FGF12: variants seen among roughly 807,000 people sequenced by gnomAD.
FGF12 encodes the protein fibroblast growth factor 12, also known as fibroblast growth factor 12B.
In FGF12, 14 loss-of-function variants were observed where a neutral mutation model predicts 23.6. The observed-to-expected ratio is 0.59, with a 90% CI of 0.39 to 0.93. The LOEUF (loss-of-function observed/expected upper bound fraction) is 0.93. Among genes scored for constraint, FGF12 ranks in the 40% least tolerant of loss-of-function variants. The pLI is 0.00. For missense variants in FGF12, 175 were observed against 217.8 expected (o/e 0.80, Z 1.24); for synonymous variants, 62 against 77.3 (o/e 0.80, Z 1.04).
intron 2 of FGF12, among the ~76,000 whole-genome samples, chr3:192,653,270 G>T (rs1273623039): frequency 6.6e-6 from 1 of 152,178 alleles, no homozygotes; most frequent in Non-Finnish European, 1.5e-5. Flanking sequence ...GCTAGGAGTG[G>T]TGACGAGAAA....
At chr3:192,670,466 T>A (rs1027559738) in intron 2 of FGF12, among the ~76,000 whole-genome samples, 24 of 152,276 alleles carry the variant, frequency 1.6e-4, no homozygotes, top group Admixed American at 3.9e-4. Flanking sequence ...AGAGTAATCA[T>A]CACACGTGGA....
At chr3:192,220,696 C>G (rs536110745) in intron 4 of FGF12, among the ~76,000 whole-genome samples, 8 of 152,120 alleles carry the variant, frequency 5.3e-5, no homozygotes, top group Non-Finnish European at 1.2e-4. Flanking sequence ...TAACTGACTT[C>G]TATAAGATAA....
At chr3:192,527,949 C>T (rs1724992165) in intron 2 of FGF12, among the ~76,000 whole-genome samples, 1 of 152,070 alleles carries the variant, frequency 6.6e-6, no homozygotes, top group Non-Finnish European at 1.5e-5. Flanking sequence ...AAGACCCACC[C>T]CCATTATTCA....
chr3:192,476,562 G>T (rs1156598694), intron 2 of FGF12, among the ~76,000 whole-genome samples: 1 of 152,142 alleles, frequency 6.6e-6, no homozygotes, highest in Non-Finnish European at 1.5e-5. Flanking sequence ...TATTTTGTTG[G>T]TATTAATCCC....
intron 2 of FGF12, among the ~76,000 whole-genome samples, chr3:192,588,298 C>G (rs1194768298): frequency 7.6e-6 from 1 of 131,170 alleles, no homozygotes; most frequent in Non-Finnish European, 1.5e-5. Context: ...TGCAGTGAGC[C>G]GAGATCGCGC....
intron 2 of FGF12, among the ~76,000 whole-genome samples, chr3:192,549,441 A>T (rs955951539): frequency 2.0e-5 from 3 of 152,192 alleles, no homozygotes; most frequent in Non-Finnish European, 4.4e-5. Context: ...CAGAATAATG[A>T]TTATTCATGG....
At chr3:192,588,002 C>A (rs771719441) in intron 2 of FGF12, among the ~76,000 whole-genome samples, 4 of 151,692 alleles carry the variant, frequency 2.6e-5, no homozygotes, top group Non-Finnish European at 5.9e-5. Context: ...TTTCTTTGAT[C>A]ATCTATGATT....
intron 4 of FGF12, among the ~76,000 whole-genome samples, chr3:192,219,831 G>A (rs1042397611): frequency 2.6e-5 from 4 of 152,104 alleles, no homozygotes; most frequent in African/African-American, 9.7e-5. Context: ...TATAGTTATT[G>A]TTTTCACTCA....
At chr3:192,533,583 G>C (rs1725148034) in intron 2 of FGF12, among the ~76,000 whole-genome samples, 1 of 152,158 alleles carries the variant, frequency 6.6e-6, no homozygotes, top group African/African-American at 2.4e-5. Flanking sequence ...CTTGAATTTA[G>C]AAATTAAAGA....
chr3:192,561,568 T>C (rs1030367260), intron 2 of FGF12, among the ~76,000 whole-genome samples: 5 of 152,112 alleles, frequency 3.3e-5, no homozygotes, highest in African/African-American at 4.8e-5. Context: ...TTCACCGTGT[T>C]AGCCAGGATA....
chr3:192,691,750 T>G (rs1439485187), intron 2 of FGF12, among the ~76,000 whole-genome samples: 1 of 151,830 alleles, frequency 6.6e-6, no homozygotes, highest in Non-Finnish European at 1.5e-5. Flanking sequence ...GAGTTGAGTT[T>G]TTGAAAAAAT....
At chr3:192,437,219 A>G (rs77279431) in intron 2 of FGF12, among the ~76,000 whole-genome samples, 3,509 of 152,284 alleles carry the variant, frequency 0.023, 108 homozygotes, top group African/African-American at 0.075. Context: ...GCAGACTACA[A>G]AAAAATACTA....
intron 4 of FGF12, among the ~76,000 whole-genome samples, chr3:192,173,798 G>A (rs114379951): frequency 3.9e-5 from 6 of 152,194 alleles, no homozygotes; most frequent in Admixed American, 1.3e-4. Context: ...AGTACATATC[G>A]TCATATATGT....
Position 192,510,699 on chromosome 3 carries a change from T to C in FGF12, c.14-150161A>G, listed in dbSNP as rs151171031. Among the ~76,000 whole-genome samples, 982 of 152,304 alleles carry C rather than the reference T, an allele frequency of 6.4e-3. 12 individuals are homozygous for C. Among genetic ancestry groups the C allele is most frequent in the African/African-American group, 0.023 (956 of 41,560 alleles). ...TTATAGCAACATTATTCTTCATAAT[T>C]TCCAAGTCTCGAAGCAGCCAAGATG... On this transcript the variant is annotated intron_variant, in intron 2 of 5. Transcript: ENST00000445105.
chr3:192,452,786 C>T (rs1722566124), intron 2 of FGF12, among the ~76,000 whole-genome samples: 1 of 152,186 alleles, frequency 6.6e-6, no homozygotes, highest in South Asian at 2.1e-4. Context: ...TAGAAGTCTT[C>T]TCTTTACCTA....
At chr3:192,624,644 C>T (rs1715098358) in intron 2 of FGF12, among the ~76,000 whole-genome samples, 1 of 152,036 alleles carries the variant, frequency 6.6e-6, no homozygotes, top group African/African-American at 2.4e-5. Flanking sequence ...ATAGCATCTT[C>T]CTTGTTAAAG....
chr3:192,292,085 C>A (rs567169448), intron 4 of FGF12, among the ~76,000 whole-genome samples: 13 of 152,208 alleles, frequency 8.5e-5, no homozygotes, highest in African/African-American at 3.1e-4. Flanking sequence ...ACATTCACAC[C>A]AAATTTTGAT....
chr3:192,297,175 T>G (rs921996304), intron 4 of FGF12, among the ~76,000 whole-genome samples: 2 of 152,130 alleles, frequency 1.3e-5, no homozygotes, highest in Admixed American at 6.5e-5. Flanking sequence ...AAAAACCTAT[T>G]TGGTTAGAAT....
rs188894036 is a variant in FGF12 at position 192,324,280 on chromosome 3, C to T, written c.228+11081G>A. 5.6e-3 allele frequency among the ~76,000 whole-genome samples: 858 copies of T among 152,158 alleles called. 1 individual carries two copies. The highest frequency in any genetic ancestry group is 0.012 in the South Asian group (60 of 4,826). ...AGATGAGAAATACTCTTCAAGCAAT[C>T]CCCCAAGACCAGAGTGACTAAAGAT... is the stretch of plus-strand genomic sequence containing the variant. On this transcript the variant is annotated intron_variant, in intron 4 of 5. Transcript: ENST00000445105.
Sources: allele counts gnomAD v4.1 joint callset (sites outside exome capture counted in the v4.1 genomes callset), GRCh38; gene constraint gnomAD v4.1.1; transcripts MANE v1.5; gene names NCBI Gene and HGNC (gene_info 2026-07-23, HGNC 2026-07-21).